Variants in GSTA1 observed in about 807,000 individuals in gnomAD.
GSTA1 encodes glutathione S-transferase alpha 1.
GSTA1 carries 23 observed loss-of-function variants against 21.5 expected under a neutral mutation model. The ratio of observed to expected loss-of-function variants is 1.07; its 90% CI spans 0.77 to 1.52. The LOEUF (loss-of-function observed/expected upper bound fraction) is 1.52, where lower values mean the gene tolerates loss of function less well. GSTA1 is among the 40% of genes most tolerant of loss of function. GSTA1 has a pLI of 0.00. For synonymous variants in GSTA1, 125 were observed against 90.0 expected (o/e 1.39, Z -2.20); for missense variants, 301 against 264.2 (o/e 1.14, Z -0.96).
chr6:52,802,751 T>C (rs1384094931), intron 1 of GSTA1, among the ~76,000 whole-genome samples: 1 of 152,216 alleles, frequency 6.6e-6, no homozygotes, highest in Non-Finnish European at 1.5e-5. Flanking sequence ...CTTGTATCCA[T>C]TTCTCTGGTT....
chr6:52,802,064 CT>C (rs1561916113), intron 1 of GSTA1, among the ~76,000 whole-genome samples: 3 of 152,022 alleles, frequency 2.0e-5, no homozygotes, highest in African/African-American at 4.8e-5. Context: ...TCCTGAGTTC[CT>C]CCTGTTAGCA....
intron 5 of GSTA1, 40 bp from the exon 6 acceptor site, chr6:52,793,027 C>T (rs536067662): frequency 2.5e-6 from 4 of 1,613,604 alleles, no homozygotes; most frequent in African/African-American, 2.7e-5. Flanking sequence ...CACATGCACA[C>T]CCAGGCTAGG....
In GSTA1 at chr6:52,791,818, A is replaced by T; in HGVS notation, c.*40T>A. 6.2e-7 allele frequency: 1 copy of T among 1,612,554 alleles called. No individual in the cohort carries two copies. The highest frequency in any genetic ancestry group is 8.5e-7 in the Non-Finnish European group (1 of 1,179,094). Reference sequence around the variant, plus strand: ...TACTTTATTGTTGCAAAACTTTAGAACATTGGTATTGCAAGTTCTTGGCCT... The same window carrying T: ...TACTTTATTGTTGCAAAACTTTAGATCATTGGTATTGCAAGTTCTTGGCCT... On this transcript the variant is annotated 3_prime_UTR_variant, in exon 7 of 7. Coordinates refer to ENST00000334575, the MANE Select transcript of GSTA1 (RefSeq NM_145740.5).
rs145454846 is a variant in GSTA1 at position 52,797,866 on chromosome 6, C to T, written c.88-229G>A. Reference sequence around the variant, plus strand: ...AATCTTTTAGTTCACTTCAACTCCACCCTGATATGAATGTCTATGATTAGG... The same window carrying T: ...AATCTTTTAGTTCACTTCAACTCCATCCTGATATGAATGTCTATGATTAGG... On this transcript the variant is annotated intron_variant, in intron 2 of 6. Coordinates refer to ENST00000334575, the MANE Select transcript of GSTA1 (RefSeq NM_145740.5). Among the ~76,000 whole-genome samples, 437 of 152,296 alleles carry T rather than the reference C, an allele frequency of 2.9e-3. 3 individuals are homozygous for T. Among genetic ancestry groups the T allele is most frequent in the African/African-American group, 9.6e-3 (400 of 41,556 alleles).
intron 4 of GSTA1, among the ~76,000 whole-genome samples, chr6:52,794,815 C>T (rs1341546055): frequency 2.6e-5 from 4 of 152,184 alleles, no homozygotes; most frequent in Non-Finnish European, 4.4e-5. Context: ...TGTTGCGCAA[C>T]TCTAGCCATG....
At chr6:52,803,734 A>G (rs1400004543) in intron 1 of GSTA1, 51 bp downstream of exon 1, 1 of 178,724 alleles carries the variant, frequency 5.6e-6, no homozygotes, top group African/African-American at 2.4e-5. Flanking sequence ...CTAGGAGGCT[A>G]GAGAGGAGGG....
chr6:52,794,196 C>T lies in GSTA1; in HGVS notation c.343G>A (p.Glu115Lys), dbSNP rs1763522503. ...AAGGCAAGCTTGGCATCTTTTTCCT[C>T]AGGTGGACATACGGGCAGAAGGAGG... ...MILLLPVCPP[E>K]EKDAKLALIK... Residue 115 changes from glutamate to lysine, a missense_variant, in exon 5 of 7, where the codon GAG becomes AAG. By Grantham distance (56) the Glu-to-Lys change is moderately conservative. Transcript: ENST00000334575. 1.2e-6 allele frequency: 2 copies of T among 1,613,916 alleles called. No homozygotes were observed. Among genetic ancestry groups the T allele is most frequent in the Non-Finnish European group, 8.5e-7 (1 of 1,179,902 alleles).
At position 52,794,246 on chromosome 6, in the gene GSTA1, C is replaced by A. The variant is rs781359612; in HGVS notation, c.293G>T (p.Gly98Val). The change falls in exon 5 of 7, where the codon GGT (glycine) becomes GTT (valine). Residue 98 changes from glycine (G) to valine (V), a missense_variant. Gly to Val is a moderately radical substitution (Grantham distance 109). Transcript: ENST00000334575. ...ERALIDMYIE[G>V]IADLGEMILL... ...GATCATTTCACCCAAATCTGCTATACCTTCTATATACATATCAATCCTGAA... is the reference window on the plus strand; with the variant it reads ...GATCATTTCACCCAAATCTGCTATAACTTCTATATACATATCAATCCTGAA... The A allele has an allele frequency of 3.1e-6, 5 of 1,613,498 alleles. No homozygotes were observed. The highest frequency in any genetic ancestry group is 1.1e-5 in the South Asian group (1 of 91,068).
chr6:52,792,410 T>C (rs886600054), intron 6 of GSTA1, among the ~76,000 whole-genome samples: 2 of 151,928 alleles, frequency 1.3e-5, no homozygotes, highest in African/African-American at 4.8e-5. Flanking sequence ...AGAGATACAG[T>C]GTGGGGGGCC....
At chr6:52,798,803 T>C (rs1356823504) in intron 2 of GSTA1, among the ~76,000 whole-genome samples, 1 of 151,610 alleles carries the variant, frequency 6.6e-6, no homozygotes, top group African/African-American at 2.4e-5. Context: ...ACATTAACTA[T>C]TCTAAAGACA....
chr6:52,793,077 C>A, intron 5 of GSTA1, 90 bp from the exon 6 acceptor site: 1 of 1,586,478 alleles, frequency 6.3e-7, no homozygotes, highest in Non-Finnish European at 8.6e-7. Flanking sequence ...CTGACTTTCC[C>A]CACCTCTGTT....
intron 2 of GSTA1, among the ~76,000 whole-genome samples, chr6:52,798,144 C>T (rs560620548): frequency 6.6e-6 from 1 of 152,322 alleles, no homozygotes; most frequent in Non-Finnish European, 1.5e-5. Flanking sequence ...TGTTGCACAG[C>T]TTTCACACTT....
At chr6:52,799,414 G>C (rs1763661258) in intron 1 of GSTA1, 117 bp from the exon 2 acceptor site, 3 of 657,882 alleles carry the variant, frequency 4.6e-6, no homozygotes, top group Non-Finnish European at 2.5e-6. Flanking sequence ...CTTCATGACT[G>C]TGTTGGAGGA....
At chr6:52,794,068 T>C (rs775314982) in intron 5 of GSTA1, 57 bp downstream of exon 5, 145 of 1,607,564 alleles carry the variant, frequency 9.0e-5, no homozygotes, top group Non-Finnish European at 9.0e-5. Context: ...GCCCAGCCAC[T>C]ATTTTTCTAT....
chr6:52,801,413 T>G (rs1266840065), intron 1 of GSTA1, among the ~76,000 whole-genome samples: 1 of 152,182 alleles, frequency 6.6e-6, no homozygotes, highest in East Asian at 1.9e-4. Flanking sequence ...ATAGCATAAT[T>G]TGACAGAGTG....
At chr6:52,801,834 G>A (rs1190704519) in intron 1 of GSTA1, among the ~76,000 whole-genome samples, 1 of 152,040 alleles carries the variant, frequency 6.6e-6, no homozygotes, top group Non-Finnish European at 1.5e-5. Flanking sequence ...AATTAAAGAT[G>A]GGCACACTGA....
intron 3 of GSTA1, 36 bp from the exon 4 acceptor site, chr6:52,796,350 C>T (rs1763581931): frequency 6.2e-7 from 1 of 1,612,696 alleles, no homozygotes; most frequent in African/African-American, 1.3e-5. Context: ...AGTGAAGTGT[C>T]TATGAAACCC....
At chr6:52,796,467 ATATATATATATATATATATATATGTGTG>A (rs1379418731) in intron 3 of GSTA1, among the ~76,000 whole-genome samples, 153 bp from the exon 4 acceptor site, 50 of 7,658 alleles carry the variant, frequency 6.5e-3, no homozygotes, top group Middle Eastern at 0.05. Flanking sequence ...ATATATATAT[ATATATATATATATATATATATATGTGTG>A]TGTGTGTGTG....
At chr6:52,799,048 C>G (rs914005527) in intron 2 of GSTA1, 133 bp downstream of exon 2, 1 of 828,638 alleles carries the variant, frequency 1.2e-6, no homozygotes, top group Admixed American at 2.5e-5. Context: ...ATCTGTTCAT[C>G]TTTTTCTTAA....
Sources: gnomAD v4.1 joint callset for allele counts (sites outside exome capture counted in the v4.1 genomes callset) on GRCh38, gnomAD v4.1.1 for gene constraint, MANE v1.5 for transcripts, NCBI Gene and HGNC (gene_info 2026-07-23, HGNC 2026-07-21) for gene names.